The following MFN2 variants were observed in gnomAD, a reference collection of about 807,000 sequenced individuals.
MFN2 encodes the protein mitofusin-2.
Under a neutral mutation model 87.5 loss-of-function variants are expected in MFN2, and 43 were observed. The observed-to-expected ratio is 0.49, with a 90% CI of 0.38 to 0.63. The LOEUF (loss-of-function observed/expected upper bound fraction) is 0.63. MFN2 is among the 30% of genes least tolerant of loss of function. The probability of loss-of-function intolerance (pLI) is 0.00; values close to 1 mark genes in which losing one functional copy is unlikely to be tolerated. For synonymous variants in MFN2, 337 were observed against 359.9 expected, an observed-to-expected ratio of 0.94 and a Z score of 0.72; for missense variants, 743 against 972.8, an observed-to-expected ratio of 0.76 and a Z score of 3.14.
rs184384500 is a variant in MFN2 at position 12,007,970 on chromosome 1, T to A, written c.2069+721T>A. Reference sequence around the variant, plus strand: ...GATGACTCTTGACAAGCATGCTGCCTTCAAGCATCTGTTTAACAAAGCACA... The same window carrying A: ...GATGACTCTTGACAAGCATGCTGCCATCAAGCATCTGTTTAACAAAGCACA... On this transcript the variant is annotated intron_variant, in intron 17 of 18. Transcript: ENST00000235329. 8.5e-5 allele frequency among the ~76,000 whole-genome samples: 13 copies of A among 152,202 alleles called. 1 individual carries two copies. Among genetic ancestry groups the A allele is most frequent in the Admixed American group, 7.2e-4 (11 of 15,282 alleles).
At position 11,992,409 on chromosome 1, in the gene MFN2, A is replaced by G. The variant is rs939741527; in HGVS notation, c.176-146A>G. The stretch of plus-strand genomic sequence containing the variant: ...CCACCACACCGTGGGGCCACCATAG[A>G]GGATCTGGAGCTCAGCCTGTCGGCT... On this transcript the variant is annotated intron_variant, in intron 3 of 18. Coordinates refer to ENST00000235329, the MANE Select transcript of MFN2 (RefSeq NM_014874.4). The G allele has an allele frequency of 1.1e-5, 11 of 993,012 alleles. No homozygotes were observed. The African/African-American group carries it at 1.3e-4, about 12-fold the overall frequency. The allele number at this position is 993,012 out of a possible 1,614,324, so 61.5% of individuals were successfully genotyped here.
At chr1:11,992,796 C>A (rs1638748143) in intron 4 of MFN2, 106 bp downstream of exon 4, 1 of 1,322,196 alleles carries the variant, frequency 7.6e-7, no homozygotes, top group African/African-American at 1.5e-5. Context: ...CTTCAGAATT[C>A]ATTGCTTTCC....
At position 12,005,775 on chromosome 1, in the gene MFN2, G is replaced by T. The variant is rs2100852881; in HGVS notation, c.1560G>T (p.Gln520His). Reference sequence around the variant, plus strand: ...AGATAGACATGCTGGTCCCACGCCAGTGCTTCTCCCTCAACTATGACCTAA... The same window carrying T: ...AGATAGACATGCTGGTCCCACGCCATTGCTTCTCCCTCAACTATGACCTAA... ...RSQIDMLVPR[Q>H]CFSLNYDLNC... The change falls in exon 15 of 19, where the codon CAG (glutamine) becomes CAT (histidine). Residue 520 changes from glutamine (Q) to histidine (H), a missense_variant. Coordinates refer to ENST00000235329, the MANE Select transcript of MFN2 (RefSeq NM_014874.4). 6.2e-7 allele frequency: 1 copy of T among 1,614,228 alleles called. No homozygotes were observed. The highest frequency in any genetic ancestry group is 8.5e-7 in the Non-Finnish European group (1 of 1,180,036).
chr1:11,989,021 C>T (rs1338042317), intron 2 of MFN2, 144 bp from the exon 3 acceptor site: 4 of 932,002 alleles, frequency 4.3e-6, no homozygotes, highest in Non-Finnish European at 6.8e-6. Flanking sequence ...GTTCTTATCT[C>T]ACCGTCCTTT....
At chr1:11,987,511 T>A (rs1638469213) in intron 2 of MFN2, among the ~76,000 whole-genome samples, 2 of 151,182 alleles carry the variant, frequency 1.3e-5, no homozygotes, top group African/African-American at 2.4e-5. Flanking sequence ...GTGCCTGTAG[T>A]CCCAGTTGCT....
chr1:12,006,007 T>C (rs1639398514), intron 15 of MFN2, 76 bp downstream of exon 15: 2 of 1,431,758 alleles, frequency 1.4e-6, no homozygotes, highest in Non-Finnish European at 2.0e-6. Context: ...GGAACCATTC[T>C]AAAACGGGGG....
chr1:12,003,926 A>T lies in MFN2; in HGVS notation c.1161-66A>T, dbSNP rs1639289454. ...GGCAGGGCGGCGTGGGATTTCTGGC[A>T]TCCCCTCTTGCTCCTCTGCTTAGTC... is the stretch of plus-strand genomic sequence containing the variant. On this transcript the variant is annotated intron_variant, in intron 11 of 18. Coordinates refer to ENST00000235329, the MANE Select transcript of MFN2 (RefSeq NM_014874.4). The surrounding 1 kb of genome is among the most constrained non-coding windows in gnomAD (Gnocchi z 4.1). 2.5e-6 allele frequency: 4 copies of T among 1,609,520 alleles called. No homozygotes were observed. The highest frequency in any genetic ancestry group is 3.4e-6 in the Non-Finnish European group (4 of 1,176,592).
intron 18 of MFN2, among the ~76,000 whole-genome samples, chr1:12,009,940 G>A (rs1338648333): frequency 1.3e-5 from 2 of 152,216 alleles, no homozygotes; most frequent in East Asian, 3.8e-4. Flanking sequence ...GATCACCTGA[G>A]GTCAGGAGTT....
Position 11,995,277 on chromosome 1 carries a change from AAACAAC to A in MFN2, c.312-864_312-859del, listed in dbSNP as rs200208569. 3.7e-3 allele frequency among the ~76,000 whole-genome samples: 565 copies of A among 151,834 alleles called. 3 individuals carry two copies. Among genetic ancestry groups the A allele is most frequent in the African/African-American group, 0.013 (528 of 41,398 alleles). On this transcript the variant is annotated intron_variant, in intron 4 of 18. Transcript: ENST00000235329. Reference sequence around the variant, plus strand: ...AGCAAAATCCCATATCAAAAAAAACAAACAACAACAACAACAACAAAAAACCCCACC... The same window carrying A: ...AGCAAAATCCCATATCAAAAAAAACAAACAACAACAACAAAAAACCCCACC...
Position 11,999,216 on chromosome 1 carries a change from A to T in MFN2, c.816+121A>T, listed in dbSNP as rs528223120. The T allele has an allele frequency of 2.4e-5, 20 of 826,742 alleles. 1 individual carries two copies. Among genetic ancestry groups the T allele is most frequent in the Middle Eastern group, 6.4e-4 (2 of 3,128 alleles). The allele number at this position is 826,742 out of a possible 1,614,324, so 51.2% of individuals were successfully genotyped here. A position where few individuals can be genotyped will look rare whatever the true frequency, so the allele number is the denominator to read the frequency against. ...CCCTGAATTAATTTTATTGCCAAAG[A>T]ATTCTCCAAATACTCTTCTGTGGTA... is the stretch of plus-strand genomic sequence containing the variant. On this transcript the variant is annotated intron_variant, in intron 8 of 18. Transcript: ENST00000235329.
chr1:11,997,687 A>G (rs1349742082), intron 6 of MFN2, among the ~76,000 whole-genome samples: 1 of 152,028 alleles, frequency 6.6e-6, no homozygotes, highest in African/African-American at 2.4e-5. Flanking sequence ...GGAGGTTCTC[A>G]ATCTCAGCCC....
intron 5 of MFN2, 115 bp downstream of exon 5, chr1:11,996,433 TGG>T: frequency 2.4e-6 from 3 of 1,231,614 alleles, no homozygotes; most frequent in South Asian, 2.6e-5. Flanking sequence ...TGGAGGTGAA[TGG>T]GAGACCCTAT....
intron 3 of MFN2, among the ~76,000 whole-genome samples, chr1:11,990,145 G>T (rs1056478729): frequency 6.6e-6 from 1 of 152,136 alleles, no homozygotes; most frequent in East Asian, 1.9e-4. Context: ...TTGGCCCCTG[G>T]CTCAGGGGGG....
At chr1:11,992,411 G>A in intron 3 of MFN2, 144 bp from the exon 4 acceptor site, 1 of 1,010,896 alleles carries the variant, frequency 9.9e-7, no homozygotes, top group South Asian at 1.3e-5. Context: ...CACCATAGAG[G>A]ATCTGGAGCT....
intron 3 of MFN2, chr1:11,992,333 T>A: frequency 1.7e-6 from 1 of 601,172 alleles, no homozygotes; most frequent in Non-Finnish European, 3.0e-6. Context: ...TAGAAAGTGG[T>A]AAGAACCAGC....
rs1028607764 is a variant in MFN2 at position 11,982,004 on chromosome 1, G to A, written c.-115G>A. The A allele has an allele frequency of 6.9e-6, 1 of 145,784 alleles. No homozygotes were observed. The highest frequency in any genetic ancestry group is 1.5e-5 in the Non-Finnish European group (1 of 67,504). The allele number at this position is 145,784 out of a possible 1,614,324, so 9.0% of individuals were successfully genotyped here. ...GTGGAGTCAACACAGTCAATCAATA[G>A]CCAACCTCAACCTGAGACAGGACAG... On this transcript the variant is annotated 5_prime_UTR_variant, in exon 2 of 19. Transcript: ENST00000235329.
intron 16 of MFN2, 93 bp downstream of exon 16, chr1:12,006,786 C>A: frequency 6.5e-7 from 1 of 1,542,884 alleles, no homozygotes; most frequent in African/African-American, 1.4e-5. Context: ...TGCATTGGGC[C>A]ACACTCCACA....
intron 4 of MFN2, among the ~76,000 whole-genome samples, chr1:11,993,719 G>A (rs1356358007): frequency 7.1e-6 from 1 of 141,652 alleles, no homozygotes; most frequent in African/African-American, 2.7e-5. Context: ...CTGGGCGACA[G>A]TGAGACTCCA....
At chr1:11,994,280 A>G (rs762845336) in intron 4 of MFN2, among the ~76,000 whole-genome samples, 2 of 152,234 alleles carry the variant, frequency 1.3e-5, no homozygotes, top group Non-Finnish European at 2.9e-5. Context: ...CTAAAGTACT[A>G]GGCCAAACAT....
Sources: gnomAD v4.1 joint callset for allele counts (sites outside exome capture counted in the v4.1 genomes callset) on GRCh38, gnomAD v4.1.1 for gene constraint, Gnocchi (gnomAD v3.1) non-coding constraint, MANE v1.5 for transcripts, NCBI Gene and HGNC (gene_info 2026-07-23, HGNC 2026-07-21) for gene names.